Variants in CYP2C19 observed in about 807,000 individuals in gnomAD.
The protein encoded by CYP2C19 is cytochrome P450 2C19.
In CYP2C19, 59 loss-of-function variants were observed where a neutral mutation model predicts 40.9. The observed-to-expected ratio is 1.44, with a 90% CI of 1.17 to 1.79. The LOEUF is 1.79. CYP2C19 is among the 40% of genes most tolerant of loss of function. CYP2C19 has a pLI of 0.00. For missense variants in CYP2C19, 754 were observed against 596.9 expected, an observed-to-expected ratio of 1.26 and a Z score of -2.74; for synonymous variants, 253 against 208.7, an observed-to-expected ratio of 1.21 and a Z score of -1.83.
At chr10:94,783,331 G>A (rs746769043) in intron 5 of CYP2C19, among the ~76,000 whole-genome samples, 10 of 152,070 alleles carry the variant, frequency 6.6e-5, no homozygotes, top group Non-Finnish European at 1.2e-4. Context: ...AATATTTGCA[G>A]TGAGAGTCAG....
chr10:94,829,963 G>T (rs1023858945), intron 6 of CYP2C19, among the ~76,000 whole-genome samples: 6 of 152,212 alleles, frequency 3.9e-5, no homozygotes, highest in African/African-American at 7.2e-5. Flanking sequence ...CAGTTAGGCT[G>T]CTCAGGGGTC....
intron 5 of CYP2C19, among the ~76,000 whole-genome samples, chr10:94,812,999 G>A (rs1286416788): frequency 6.6e-6 from 1 of 150,982 alleles, no homozygotes; most frequent in Non-Finnish European, 1.5e-5. Context: ...TCATATTTGT[G>A]GATTTATCTA....
At chr10:94,838,627 A>G (rs1041017111) in intron 6 of CYP2C19, among the ~76,000 whole-genome samples, 1 of 151,924 alleles carries the variant, frequency 6.6e-6, no homozygotes, top group African/African-American at 2.4e-5. Context: ...CCCTTTATCT[A>G]TCTCTTTTTG....
intron 5 of CYP2C19, among the ~76,000 whole-genome samples, chr10:94,800,867 C>T (rs1390003795): frequency 1.3e-5 from 2 of 152,182 alleles, no homozygotes; most frequent in African/African-American, 4.8e-5. Flanking sequence ...TTGCTAAGAC[C>T]ATGGGAAAAG....
chr10:94,775,594 G>T, intron 3 of CYP2C19, 55 bp downstream of exon 3: 1 of 1,613,292 alleles, frequency 6.2e-7, no homozygotes, highest in South Asian at 1.1e-5. Context: ...CCTCTCTACT[G>T]ACATTCTTGG....
intron 5 of CYP2C19, among the ~76,000 whole-genome samples, chr10:94,795,654 C>G (rs1848673906): frequency 1.3e-5 from 2 of 152,160 alleles, no homozygotes; most frequent in Admixed American, 1.3e-4. Flanking sequence ...TCCATATCCT[C>G]TCCAGCACCT....
At chr10:94,836,414 A>G (rs921636201) in intron 6 of CYP2C19, among the ~76,000 whole-genome samples, 9 of 152,194 alleles carry the variant, frequency 5.9e-5, no homozygotes, top group Admixed American at 3.3e-4. Context: ...TGTGTTATAT[A>G]AAGAAAAGTC....
At chr10:94,795,319 C>A (rs1200791874) in intron 5 of CYP2C19, among the ~76,000 whole-genome samples, 2 of 151,938 alleles carry the variant, frequency 1.3e-5, no homozygotes, top group Non-Finnish European at 2.9e-5. Context: ...CATGTCCCTA[C>A]AAAGGACATG....
chr10:94,783,381 G>A (rs886715253), intron 5 of CYP2C19, among the ~76,000 whole-genome samples: 1 of 152,080 alleles, frequency 6.6e-6, no homozygotes, highest in African/African-American at 2.4e-5. Flanking sequence ...TTACATGGAG[G>A]TGTAGAGGTG....
chr10:94,841,511 G>T (rs189829822), intron 6 of CYP2C19, among the ~76,000 whole-genome samples: 2 of 152,174 alleles, frequency 1.3e-5, no homozygotes, highest in African/African-American at 4.8e-5. Context: ...TACAAAGGGA[G>T]GGGACCCAAA....
intron 7 of CYP2C19, 111 bp downstream of exon 7, chr10:94,843,135 T>C (rs1849521668): frequency 2.3e-6 from 3 of 1,333,254 alleles, no homozygotes; most frequent in Middle Eastern, 1.8e-4. Context: ...TACTCCTATG[T>C]ATGGCAGTTT....
At chr10:94,831,652 A>G (rs907575940) in intron 6 of CYP2C19, among the ~76,000 whole-genome samples, 3 of 152,190 alleles carry the variant, frequency 2.0e-5, no homozygotes, top group Admixed American at 2.0e-4. Flanking sequence ...TCTGATGATC[A>G]GTGGTGTTGA....
rs1309910352 is a variant in CYP2C19, at chr10:94,762,894, G to C, written c.168+21G>C. On this transcript the variant is annotated intron_variant, in intron 1 of 8. Coordinates refer to ENST00000371321, the MANE Select transcript of CYP2C19 (RefSeq NM_000769.4). ...CCAATGTAAGTATGCTCCTTCAGTG[G>C]CTTGCAAAAGGTAAGTAAATTCACC... 2.5e-6 allele frequency: 4 copies of C among 1,608,034 alleles called. No homozygotes were observed. In the South Asian group the frequency reaches 4.4e-5, roughly 18 times the overall value.
chr10:94,815,322 C>G (rs920294703), intron 5 of CYP2C19, among the ~76,000 whole-genome samples: 32 of 152,200 alleles, frequency 2.1e-4, no homozygotes, highest in Admixed American at 1.8e-3. Flanking sequence ...CAATGTTTAA[C>G]ATGACACAGG....
At chr10:94,847,298 A>G (rs1191828346) in intron 7 of CYP2C19, among the ~76,000 whole-genome samples, 2 of 151,984 alleles carry the variant, frequency 1.3e-5, no homozygotes, top group African/African-American at 4.8e-5. Context: ...TCATTGTTCA[A>G]TTCCCACCTA....
intron 6 of CYP2C19, among the ~76,000 whole-genome samples, chr10:94,829,773 C>T (rs974657069): frequency 2.0e-5 from 3 of 151,620 alleles, no homozygotes; most frequent in South Asian, 4.2e-4. Flanking sequence ...GTTTTTTCCC[C>T]ATCTTTGTGG....
intron 6 of CYP2C19, among the ~76,000 whole-genome samples, chr10:94,826,991 C>A (rs1849236472): frequency 6.6e-6 from 1 of 152,092 alleles, no homozygotes; most frequent in Non-Finnish European, 1.5e-5. Context: ...TTGAACCAGC[C>A]TTGCATCCCA....
intron 7 of CYP2C19, 115 bp from the exon 8 acceptor site, chr10:94,849,802 T>C: frequency 7.7e-7 from 1 of 1,298,996 alleles, no homozygotes; most frequent in Non-Finnish European, 1.1e-6. Context: ...CTGCTCTTCT[T>C]TGGAATGGTG....
intron 6 of CYP2C19, among the ~76,000 whole-genome samples, chr10:94,821,517 A>G (rs1035550874): frequency 6.6e-6 from 1 of 152,218 alleles, no homozygotes; most frequent in East Asian, 1.9e-4. Flanking sequence ...AGGTACCTAA[A>G]GAATGTTCCA....
Sources: allele counts gnomAD v4.1 joint callset (sites outside exome capture counted in the v4.1 genomes callset), GRCh38; gene constraint gnomAD v4.1.1; transcripts MANE v1.5; gene names NCBI Gene and HGNC (gene_info 2026-07-23, HGNC 2026-07-21).